STX18: variants seen among roughly 807,000 people sequenced by gnomAD.
STX18 encodes syntaxin-18.
A neutral mutation model predicts 50.1 loss-of-function variants in STX18; 40 were observed. The observed-to-expected ratio is 0.80, with a 90% confidence interval of 0.62 to 1.04. The LOEUF (loss-of-function observed/expected upper bound fraction) is 1.04, where lower values mean the gene tolerates loss of function less well. Among genes scored for constraint, STX18 ranks in the 50% least tolerant of loss-of-function variants. The probability of loss-of-function intolerance (pLI) is 0.00; values close to 1 mark genes in which losing one functional copy is unlikely to be tolerated. For synonymous variants in STX18, 158 were observed against 151.8 expected, an observed-to-expected ratio of 1.04 and a Z score of -0.30; for missense variants, 410 against 415.8, an observed-to-expected ratio of 0.99 and a Z score of 0.12.
chr4:4,469,493 G>A (rs563709487), intron 2 of STX18, among the ~76,000 whole-genome samples: 32 of 152,148 alleles, frequency 2.1e-4, no homozygotes, highest in South Asian at 4.1e-4. Context: ...GAAAAGAACC[G>A]GATGACCAAA....
At chr4:4,499,287 A>G (rs768384515) in intron 1 of STX18, among the ~76,000 whole-genome samples, 1 of 152,226 alleles carries the variant, frequency 6.6e-6, no homozygotes, top group African/African-American at 2.4e-5. Context: ...AGAAATTTGA[A>G]GTAAGTAAAT....
chr4:4,475,870 C>T (rs796082379), intron 1 of STX18, among the ~76,000 whole-genome samples: 3 of 152,330 alleles, frequency 2.0e-5, no homozygotes, highest in African/African-American at 7.2e-5. Flanking sequence ...ATCCTCCCCC[C>T]TTGGCCTCCC....
chr4:4,542,059 C>T (rs1731637683), upstream of STX18: 3 of 1,324,528 alleles, frequency 2.3e-6, no homozygotes, highest in Admixed American at 1.1e-4. Flanking sequence ...GGTCCTGCCC[C>T]ACACGCCTCC....
intron 5 of STX18, 106 bp from the exon 6 acceptor site, chr4:4,438,615 G>C: frequency 1.2e-6 from 1 of 852,162 alleles, no homozygotes; most frequent in Non-Finnish European, 1.8e-6. Context: ...CTGTGTCCCT[G>C]TACTGGGGAG....
chr4:4,479,603 A>G (rs1244760663), intron 1 of STX18, among the ~76,000 whole-genome samples: 1 of 152,246 alleles, frequency 6.6e-6, no homozygotes, highest in East Asian at 1.9e-4. Flanking sequence ...AACTACAGGC[A>G]TTCATCTGAC....
At chr4:4,450,932 G>T (rs1480258916) in intron 5 of STX18, among the ~76,000 whole-genome samples, 1 of 152,186 alleles carries the variant, frequency 6.6e-6, no homozygotes, top group Non-Finnish European at 1.5e-5. Flanking sequence ...CAATTTAAAA[G>T]GAATTAAAGA....
At position 4,438,400 on chromosome 4, in the gene STX18, G is replaced by A. The variant is rs199791946; in HGVS notation, c.607C>T (p.Arg203Cys). The change falls in exon 6 of 11, where the codon CGT (arginine) becomes TGT (cysteine). Residue 203 changes from arginine to cysteine, a missense_variant. Physicochemically the swap from Arg to Cys is radical, Grantham distance 180 (BLOSUM62 -3). Coordinates refer to ENST00000306200, the MANE Select transcript of STX18 (RefSeq NM_016930.4). ...TTTTCATCTCAATTCGTACCTGGAC[G>A]TTCTTCAGTGGCAGGGTTTTCTTCA... is the stretch of plus-strand genomic sequence containing the variant. ...DSEENPATEE[R>C]PEKILAETQP... 5.0e-6 allele frequency: 8 copies of A among 1,609,552 alleles called. No homozygotes were observed. In the African/African-American group the frequency reaches 5.3e-5, roughly 11 times the overall value.
chr4:4,459,548 G>A (rs995072423), intron 2 of STX18, 61 bp from the exon 3 acceptor site: 2 of 1,267,596 alleles, frequency 1.6e-6, no homozygotes, highest in African/African-American at 3.0e-5. Context: ...AGTCTGAGTG[G>A]GATGGGAAGA....
At chr4:4,488,592 C>T (rs189206099) in intron 1 of STX18, among the ~76,000 whole-genome samples, 324 of 152,298 alleles carry the variant, frequency 2.1e-3, no homozygotes, top group Admixed American at 6.7e-3. Context: ...TGGTGCTCTC[C>T]ACCACACTGT....
intron 3 of STX18, 135 bp downstream of exon 3, chr4:4,459,237 A>G: frequency 1.5e-6 from 1 of 664,742 alleles, no homozygotes; most frequent in South Asian, 1.9e-5. Context: ...ATTGATCAAG[A>G]AAGAAAAGAT....
At chr4:4,471,537 T>C (rs1727919544) in intron 2 of STX18, 102 bp downstream of exon 2, 6 of 751,278 alleles carry the variant, frequency 8.0e-6, no homozygotes, top group Non-Finnish European at 1.2e-5. Flanking sequence ...TCATTACAAC[T>C]CTGAGTTATT....
At chr4:4,512,887 A>G (rs1730064954) in intron 1 of STX18, among the ~76,000 whole-genome samples, 1 of 152,184 alleles carries the variant, frequency 6.6e-6, no homozygotes, top group East Asian at 1.9e-4. Context: ...TTAATAAAAT[A>G]TACTTTTAAC....
chr4:4,462,769 G>A (rs1396364345), intron 2 of STX18, among the ~76,000 whole-genome samples: 1 of 152,144 alleles, frequency 6.6e-6, no homozygotes, highest in African/African-American at 2.4e-5. Context: ...GGGGACAACA[G>A]TTCTATCTTC....
At chr4:4,507,177 C>A in intron 1 of STX18, 2 of 577,918 alleles carry the variant, frequency 3.5e-6, no homozygotes, top group South Asian at 3.0e-5. Context: ...GCATGACACT[C>A]CCTCTTGATG....
intron 1 of STX18, among the ~76,000 whole-genome samples, chr4:4,511,660 A>C (rs1487199191): frequency 6.6e-6 from 1 of 151,804 alleles, no homozygotes; most frequent in Non-Finnish European, 1.5e-5. Context: ...AAACTGAAAA[A>C]TCTTAAATAT....
intron 2 of STX18, among the ~76,000 whole-genome samples, chr4:4,462,198 CAG>C (rs1727414586): frequency 6.6e-6 from 1 of 152,174 alleles, no homozygotes; most frequent in African/African-American, 2.4e-5. Context: ...TGGCAGGAAA[CAG>C]AGGTGGGTTT....
At chr4:4,458,293 C>A (rs1727188492) in intron 3 of STX18, among the ~76,000 whole-genome samples, 1 of 152,110 alleles carries the variant, frequency 6.6e-6, no homozygotes, top group South Asian at 2.1e-4. Flanking sequence ...TTTTTTAGGT[C>A]TCTCAATGAA....
At chr4:4,437,584 A>C in intron 6 of STX18, 1 of 983,842 alleles carries the variant, frequency 1.0e-6, no homozygotes, top group Non-Finnish European at 1.2e-6. Flanking sequence ...TCAACCTGTA[A>C]TTTCTGTGAC....
chr4:4,441,388 G>C (rs942689528), intron 5 of STX18, among the ~76,000 whole-genome samples: 1 of 152,084 alleles, frequency 6.6e-6, no homozygotes, highest in South Asian at 2.1e-4. Context: ...CAAAGGTAAA[G>C]TTATAAGGAT....
Sources: allele counts gnomAD v4.1 joint callset (sites outside exome capture counted in the v4.1 genomes callset), GRCh38; gene constraint gnomAD v4.1.1; transcripts MANE v1.5; gene names NCBI Gene and HGNC (gene_info 2026-07-23, HGNC 2026-07-21).